TPTE: variants seen among roughly 807,000 people sequenced by gnomAD.
The protein encoded by TPTE is transmembrane phosphatase with tensin homology, also known as putative tyrosine-protein phosphatase TPTE.
TPTE carries 59 observed loss-of-function variants against 84.1 expected under a neutral mutation model. That is an observed-to-expected ratio of 0.70 (90% CI 0.57 to 0.87). The LOEUF (loss-of-function observed/expected upper bound fraction) is 0.87, where lower values mean the gene tolerates loss of function less well. Among genes scored for constraint, TPTE ranks in the 40% least tolerant of loss-of-function variants. The pLI, the probability that TPTE is intolerant of heterozygous loss-of-function variation, is 0.00. For synonymous variants in TPTE, 130 were observed against 223.5 expected (o/e 0.58, Z 3.73); for missense variants, 382 against 659.6 (o/e 0.58, Z 4.61).
chr21:10,560,226 T>A (rs2074769876), intron 9 of TPTE, among the ~76,000 whole-genome samples: 1 of 152,308 alleles, frequency 6.6e-6, no homozygotes, highest in Non-Finnish European at 1.5e-5. Flanking sequence ...TAGTACCTTA[T>A]ACATCAGGAA....
In TPTE at chr21:10,601,952, G is replaced by A. The variant is rs1259822174; in HGVS notation, c.1357-106G>A. The A allele has an allele frequency of 1.8e-4, 233 of 1,289,466 alleles. No individual in the cohort carries two copies. The African/African-American group carries it at 3.0e-3, about 16-fold the overall frequency. The allele number at this position is 1,289,466 out of a possible 1,614,324, so 79.9% of individuals were successfully genotyped here. The stretch of plus-strand genomic sequence containing the variant: ...TATGTATGTAGTGATTGGGCTGTGA[G>A]ACCAAAAGTACTTGATAAATACAGG... On this transcript the variant is annotated intron_variant, in intron 21 of 23. Coordinates refer to ENST00000618007, the MANE Select transcript of TPTE (RefSeq NM_199261.4).
At chr21:10,548,816 A>T (rs553170152) in intron 7 of TPTE, among the ~76,000 whole-genome samples, 102 of 152,400 alleles carry the variant, frequency 6.7e-4, no homozygotes, top group Admixed American at 1.4e-3. Flanking sequence ...CCTGGAGTGC[A>T]TGCTTCCAGG....
chr21:10,552,926 GTTC>G (rs2074606487), intron 8 of TPTE, among the ~76,000 whole-genome samples: 1 of 152,306 alleles, frequency 6.6e-6, no homozygotes, highest in South Asian at 2.1e-4. Context: ...AGAAATAAAT[GTTC>G]TTCTAGCTTG....
intron 3 of TPTE, among the ~76,000 whole-genome samples, chr21:10,534,683 T>C (rs2074237813): frequency 6.6e-6 from 1 of 152,310 alleles, no homozygotes; most frequent in Admixed American, 6.5e-5. Flanking sequence ...TATGTGTGTG[T>C]ATGTTCATAA....
At chr21:10,577,892 T>TGG in intron 15 of TPTE, among the ~76,000 whole-genome samples, 1 of 152,310 alleles carries the variant, frequency 6.6e-6, no homozygotes, top group African/African-American at 2.4e-5. Flanking sequence ...TGGCATGTGA[T>TGG]GAGAGCAAGG....
chr21:10,564,742 A>G (rs1472774221), intron 10 of TPTE, among the ~76,000 whole-genome samples: 1 of 152,312 alleles, frequency 6.6e-6, no homozygotes, highest in South Asian at 2.1e-4. Context: ...ACAGTAAAGG[A>G]TAAAAACCAT....
At chr21:10,600,217 A>G (rs529016399) in intron 21 of TPTE, among the ~76,000 whole-genome samples, 2 of 145,976 alleles carry the variant, frequency 1.4e-5, no homozygotes, top group Non-Finnish European at 3.0e-5. Flanking sequence ...TCAGCTCACC[A>G]CAACCTCTGC....
chr21:10,533,845 C>A (rs575666191), intron 3 of TPTE, among the ~76,000 whole-genome samples: 17 of 152,302 alleles, frequency 1.1e-4, no homozygotes, highest in African/African-American at 4.1e-4. Flanking sequence ...AAGAATGATT[C>A]GTGAGTTGGG....
intron 17 of TPTE, among the ~76,000 whole-genome samples, chr21:10,581,155 G>A (rs1304221448): frequency 6.6e-6 from 1 of 152,308 alleles, no homozygotes; most frequent in South Asian, 2.1e-4. Context: ...TTAATATACA[G>A]GTTCTGTGTT....
chr21:10,531,197 A>T (rs1326580557), intron 3 of TPTE, among the ~76,000 whole-genome samples: 3 of 152,310 alleles, frequency 2.0e-5, no homozygotes, highest in Admixed American at 6.5e-5. Flanking sequence ...TGTACCCCCA[A>T]ACCGTATGTT....
intron 15 of TPTE, among the ~76,000 whole-genome samples, chr21:10,578,044 T>C (rs2075194694): frequency 6.6e-6 from 1 of 152,310 alleles, no homozygotes; most frequent in Non-Finnish European, 1.5e-5. Context: ...TACATTTGCC[T>C]TGTGTGGTTT....
intron 17 of TPTE, among the ~76,000 whole-genome samples, chr21:10,589,235 G>C (rs2075419920): frequency 6.6e-6 from 1 of 152,270 alleles, no homozygotes; most frequent in South Asian, 2.1e-4. Flanking sequence ...TGTGACTGTA[G>C]AGCATGCTGG....
In TPTE at chr21:10,605,468, G is replaced by T. The variant is rs210498; in HGVS notation, c.1572G>T (p.Arg524=). The T allele has an allele frequency of 6.2e-6, 10 of 1,601,244 alleles. No individual in the cohort carries two copies. In the East Asian group the frequency reaches 1.6e-4, roughly 25 times the overall value. The change falls in exon 24 of 24, where the codon CGG becomes CGT. Residue 524 remains arginine (R), a synonymous_variant. Coordinates refer to ENST00000618007, the MANE Select transcript of TPTE (RefSeq NM_199261.4). The part of the protein sequence containing the change: ...ELDNLHKQKA[R]RIYPSDFAVE... Reference sequence around the variant, plus strand: ...ATAATCTACATAAACAAAAAGCACGGAGAATTTATCCATCAGATTTTGCCG... The same window carrying T: ...ATAATCTACATAAACAAAAAGCACGTAGAATTTATCCATCAGATTTTGCCG...
intron 17 of TPTE, among the ~76,000 whole-genome samples, chr21:10,584,810 A>G (rs2075333526): frequency 6.6e-6 from 1 of 152,302 alleles, no homozygotes; most frequent in South Asian, 2.1e-4. Context: ...AGAAGTGGCC[A>G]TAGCAGCCAT....
At chr21:10,556,828 C>A (rs1347729300) in intron 8 of TPTE, among the ~76,000 whole-genome samples, 1 of 152,308 alleles carries the variant, frequency 6.6e-6, no homozygotes, top group African/African-American at 2.4e-5. Context: ...CTGTTGGCTG[C>A]ATAAATGTCT....
At chr21:10,573,261 T>G (rs1304572051) in intron 14 of TPTE, among the ~76,000 whole-genome samples, 1 of 152,300 alleles carries the variant, frequency 6.6e-6, no homozygotes, top group African/African-American at 2.4e-5. Flanking sequence ...GGTCATTTTA[T>G]AATAATAAAG....
At chr21:10,571,826 G>A (rs1212317902) in intron 14 of TPTE, among the ~76,000 whole-genome samples, 1 of 152,288 alleles carries the variant, frequency 6.6e-6, no homozygotes, top group Non-Finnish European at 1.5e-5. Flanking sequence ...GATTAACACG[G>A]CGAAATCCTG....
chr21:10,535,347 A>G (rs1255258497), intron 3 of TPTE, among the ~76,000 whole-genome samples: 2 of 152,308 alleles, frequency 1.3e-5, no homozygotes, highest in African/African-American at 2.4e-5. Context: ...GCATGCATAC[A>G]CATACACACA....
chr21:10,522,534 C>G (rs1171839562), intron 1 of TPTE, among the ~76,000 whole-genome samples: 3 of 152,310 alleles, frequency 2.0e-5, no homozygotes, highest in Non-Finnish European at 4.4e-5. Flanking sequence ...CAAAACAATG[C>G]GTCTGGACGG....
Sources: allele counts gnomAD v4.1 joint callset (sites outside exome capture counted in the v4.1 genomes callset), GRCh38; gene constraint gnomAD v4.1.1; transcripts MANE v1.5; gene names NCBI Gene and HGNC (gene_info 2026-07-23, HGNC 2026-07-21).